The following SIPA1L1 variants were observed in gnomAD, a reference collection of about 807,000 sequenced individuals.
SIPA1L1 encodes signal induced proliferation associated 1 like 1.
A neutral mutation model predicts 162.7 loss-of-function variants in SIPA1L1; 26 were observed. The ratio of observed to expected loss-of-function variants is 0.16; its 90% CI spans 0.12 to 0.22. The LOEUF (loss-of-function observed/expected upper bound fraction) is 0.22. Ranked by LOEUF, SIPA1L1 falls within the 10% of genes least tolerant of loss-of-function variation. The probability of loss-of-function intolerance (pLI) is 1.00; values close to 1 mark genes in which losing one functional copy is unlikely to be tolerated. For missense variants in SIPA1L1, 1,874 were observed against 2,241.0 expected (o/e 0.84, Z 3.31); for synonymous variants, 829 against 837.4 (o/e 0.99, Z 0.17).
intron 2 of SIPA1L1, among the ~76,000 whole-genome samples, chr14:71,406,538 G>T (rs958190062): frequency 6.6e-6 from 1 of 152,120 alleles, no homozygotes; most frequent in African/African-American, 2.4e-5. Flanking sequence ...TACAATTCTT[G>T]TGGTCCCTTG....
rs1318854779 is a variant in SIPA1L1, at chr14:71,618,757, A to G, written c.1499A>G (p.Glu500Gly). 2 of 1,612,564 alleles carry G rather than the reference A, an allele frequency of 1.2e-6. No homozygotes were observed. Among genetic ancestry groups the G allele is most frequent in the Non-Finnish European group, 8.5e-7 (1 of 1,179,432 alleles). The change falls in exon 6 of 24, where the codon GAA (glutamate) becomes GGA (glycine). Residue 500 changes from glutamate (E) to glycine (G), a missense_variant and splice_region_variant. Around this residue, in one of 5 missense-constraint regions of SIPA1L1, gnomAD observed 685 missense variants for 828.0 expected, o/e 0.83. Transcript: ENST00000381232. Reference sequence around the variant, plus strand: ...TTTGTTTTGTCTTATTTTACCTAAGAACACTGGAACTATTTTGGGGCTGAT... The same window carrying G: ...TTTGTTTTGTCTTATTTTACCTAAGGACACTGGAACTATTTTGGGGCTGAT... ...YYYRKFFYQKEHWNYFGADEN... is the reference protein window; with the variant it reads ...YYYRKFFYQKGHWNYFGADEN...
At chr14:71,571,603 A>G (rs192268159) in intron 4 of SIPA1L1, among the ~76,000 whole-genome samples, 143 of 152,284 alleles carry the variant, frequency 9.4e-4, no homozygotes, top group Admixed American at 3.1e-3. Flanking sequence ...TCTGTTGCTT[A>G]CAACAGAATA....
intron 2 of SIPA1L1, among the ~76,000 whole-genome samples, chr14:71,336,777 T>C (rs987947371): frequency 1.3e-5 from 2 of 152,214 alleles, no homozygotes; most frequent in African/African-American, 2.4e-5. Flanking sequence ...CAGAGTATTA[T>C]CCTGTTTTTC....
intron 12 of SIPA1L1, among the ~76,000 whole-genome samples, chr14:71,680,136 C>T (rs904795938): frequency 6.6e-6 from 1 of 152,220 alleles, no homozygotes; most frequent in Non-Finnish European, 1.5e-5. Context: ...CTTCTCAGCA[C>T]CACCTTGCAC....
intron 8 of SIPA1L1, among the ~76,000 whole-genome samples, chr14:71,653,358 G>A (rs564255600): frequency 1.6e-4 from 24 of 152,232 alleles, no homozygotes; most frequent in South Asian, 8.3e-4. Context: ...CTTGGCTTTT[G>A]GAATTTATGC....
Position 71,671,630 on chromosome 14 carries a change from TGTGTTTCA to T in SIPA1L1, c.2771_2778del (p.Val924GlyfsTer2). 1 of 1,613,890 alleles carries T rather than the reference TGTGTTTCA, an allele frequency of 6.2e-7. No individual in the cohort carries two copies. Among genetic ancestry groups the T allele is most frequent in the Non-Finnish European group, 8.5e-7 (1 of 1,179,886 alleles). ...CAAAATCTTCTATGAACGAGGAGAA[TGTGTTTCA>T]GTGGGTAGTTTTATTAACATTGAGG... On this transcript the variant is annotated frameshift_variant, in exon 11 of 24. Coordinates refer to ENST00000381232, the MANE Select transcript of SIPA1L1 (RefSeq NM_001386936.1). LOFTEE classifies it high-confidence loss of function.
intron 2 of SIPA1L1, among the ~76,000 whole-genome samples, chr14:71,344,982 C>T (rs150764276): frequency 1.3e-5 from 2 of 152,288 alleles, no homozygotes; most frequent in Non-Finnish European, 2.9e-5. Context: ...TAAATGTCAT[C>T]TGCACTGCAC....
At chr14:71,443,367 C>T (rs563721423) in intron 2 of SIPA1L1, among the ~76,000 whole-genome samples, 6 of 152,010 alleles carry the variant, frequency 3.9e-5, no homozygotes, top group South Asian at 4.1e-4. Flanking sequence ...AATCAATACA[C>T]GAATTCTGGA....
intron 2 of SIPA1L1, among the ~76,000 whole-genome samples, chr14:71,355,051 A>T (rs1336399361): frequency 6.6e-6 from 1 of 152,178 alleles, no homozygotes; most frequent in Non-Finnish European, 1.5e-5. Flanking sequence ...CTGAATCATT[A>T]TCAGTGTCAT....
chr14:71,543,234 A>T (rs1458357115), intron 4 of SIPA1L1, among the ~76,000 whole-genome samples: 1 of 152,230 alleles, frequency 6.6e-6, no homozygotes, highest in Non-Finnish European at 1.5e-5. Context: ...CTTAATTCTT[A>T]AAAGTTCTTT....
rs1044479865 is a variant in SIPA1L1, at chr14:71,377,279, G to A, written c.-465+56098G>A. The stretch of plus-strand genomic sequence containing the variant: ...CAGACGGGGCGGCGGCCGGACGGGG[G>A]CGTTCTCCACTTCTCAGACAGGGCG... On this transcript the variant is annotated intron_variant, in intron 2 of 23. Transcript: ENST00000381232. This position sits in a 1 kb window ranked among gnomAD's most constrained non-coding sequence, Gnocchi z 4.8. 2.0e-5 allele frequency among the ~76,000 whole-genome samples: 3 copies of A among 151,690 alleles called. No individual in the cohort carries two copies. The highest frequency in any genetic ancestry group is 4.4e-5 in the Non-Finnish European group (3 of 67,896).
chr14:71,343,390 T>C (rs1032213748), intron 2 of SIPA1L1, among the ~76,000 whole-genome samples: 2 of 152,210 alleles, frequency 1.3e-5, no homozygotes, highest in African/African-American at 4.8e-5. Flanking sequence ...AGTTCTGTTC[T>C]CAGGATGCTT....
intron 2 of SIPA1L1, among the ~76,000 whole-genome samples, chr14:71,348,969 T>A (rs948223884): frequency 3.3e-5 from 5 of 152,212 alleles, no homozygotes; most frequent in Non-Finnish European, 4.4e-5. Flanking sequence ...TGAGAGAAGC[T>A]CTTACAGGGG....
chr14:71,399,651 C>G (rs564007791), intron 2 of SIPA1L1, among the ~76,000 whole-genome samples: 2 of 152,080 alleles, frequency 1.3e-5, no homozygotes, highest in African/African-American at 2.4e-5. Context: ...TCAAACCATC[C>G]TCTCTTCTCT....
intron 5 of SIPA1L1, among the ~76,000 whole-genome samples, chr14:71,617,081 C>T (rs929854537): frequency 1.3e-5 from 2 of 152,166 alleles, no homozygotes; most frequent in African/African-American, 4.8e-5. Flanking sequence ...GGTATCAAAG[C>T]ATGTTAAGCT....
intron 4 of SIPA1L1, among the ~76,000 whole-genome samples, chr14:71,544,540 C>T (rs1300956886): frequency 8.6e-5 from 13 of 151,996 alleles, no homozygotes. Flanking sequence ...ATCTGCTTAG[C>T]CAATATTGGG....
At chr14:71,389,398 G>C (rs1169548462) in intron 2 of SIPA1L1, among the ~76,000 whole-genome samples, 2 of 152,168 alleles carry the variant, frequency 1.3e-5, no homozygotes, top group African/African-American at 4.8e-5. Context: ...TGCCACCTTT[G>C]ACTAGTTAAG....
chr14:71,436,200 T>C (rs1254215791), intron 2 of SIPA1L1, among the ~76,000 whole-genome samples: 1 of 152,214 alleles, frequency 6.6e-6, no homozygotes, highest in Non-Finnish European at 1.5e-5. Flanking sequence ...ATTAGCACTT[T>C]GTGATAGGGG....
At chr14:71,339,954 C>T (rs1327300269) in intron 2 of SIPA1L1, among the ~76,000 whole-genome samples, 1 of 152,110 alleles carries the variant, frequency 6.6e-6, no homozygotes, top group Non-Finnish European at 1.5e-5. Context: ...TGAGTTGAGG[C>T]GTTATCTAAT....
Sources: allele counts gnomAD v4.1 joint callset (sites outside exome capture counted in the v4.1 genomes callset), GRCh38; gene constraint gnomAD v4.1.1; regional missense constraint gnomAD v4.1.1; non-coding constraint Gnocchi (gnomAD v3.1); transcripts MANE v1.5; gene names NCBI Gene and HGNC (gene_info 2026-07-23, HGNC 2026-07-21).